The following CHSY3 variants were observed in gnomAD, a reference collection of about 807,000 sequenced individuals.
CHSY3 encodes N-acetylgalactosaminyl-proteoglycan 3-beta-glucuronosyltransferase 3.
Under a neutral mutation model 67.2 loss-of-function variants are expected in CHSY3, and 35 were observed. That is an observed-to-expected ratio of 0.52 (90% CI 0.40 to 0.69). The LOEUF is 0.69. Among genes scored for constraint, CHSY3 ranks in the 30% least tolerant of loss-of-function variants. The probability of loss-of-function intolerance (pLI) is 0.00; values close to 1 mark genes in which losing one functional copy is unlikely to be tolerated. For missense variants in CHSY3, 1,069 were observed against 1,138.5 expected (o/e 0.94, Z 0.88); for synonymous variants, 474 against 434.7 (o/e 1.09, Z -1.12).
chr5:130,099,797 A>G (rs904590730), intron 2 of CHSY3, among the ~76,000 whole-genome samples: 2 of 152,184 alleles, frequency 1.3e-5, no homozygotes, highest in African/African-American at 4.8e-5. Context: ...GAAGTAAGCT[A>G]TGGCACATAA....
At chr5:129,971,577 A>G (rs1243403627) in intron 2 of CHSY3, among the ~76,000 whole-genome samples, 3 of 151,932 alleles carry the variant, frequency 2.0e-5, no homozygotes, top group Admixed American at 6.6e-5. Context: ...CATGACCTCT[A>G]TTTTACAAAT....
intron 2 of CHSY3, among the ~76,000 whole-genome samples, chr5:129,921,009 G>T (rs139191930): frequency 6.6e-6 from 1 of 152,040 alleles, no homozygotes; most frequent in Non-Finnish European, 1.5e-5. Context: ...TTGTAGTGAC[G>T]TGGTTTTGCC....
intron 2 of CHSY3, among the ~76,000 whole-genome samples, chr5:130,011,457 A>G (rs573615838): frequency 6.6e-6 from 1 of 152,338 alleles, no homozygotes; most frequent in East Asian, 1.9e-4. Flanking sequence ...CAAACTAGTC[A>G]TCAATGGTAC....
intron 2 of CHSY3, among the ~76,000 whole-genome samples, chr5:130,088,917 G>A (rs889529630): frequency 6.6e-5 from 10 of 152,030 alleles, no homozygotes; most frequent in African/African-American, 1.4e-4. Flanking sequence ...AAAGACACAC[G>A]CACACGTATG....
intron 2 of CHSY3, among the ~76,000 whole-genome samples, chr5:129,927,121 TTAAC>T (rs1418532681): frequency 1.3e-5 from 2 of 151,952 alleles, no homozygotes; most frequent in African/African-American, 2.4e-5. Flanking sequence ...TGTTTTTTTC[TTAAC>T]TAAGTTCTAA....
chr5:129,984,400 T>G (rs1763111226), intron 2 of CHSY3, among the ~76,000 whole-genome samples: 1 of 152,162 alleles, frequency 6.6e-6, no homozygotes, highest in African/African-American at 2.4e-5. Flanking sequence ...GTGGTGTATA[T>G]GTACCATATT....
intron 2 of CHSY3, among the ~76,000 whole-genome samples, chr5:130,029,138 A>G (rs536842888): frequency 3.7e-4 from 56 of 152,180 alleles, no homozygotes; most frequent in African/African-American, 9.9e-4. Context: ...AGTTGCCCCA[A>G]TCGTCACAGA....
At chr5:130,023,771 G>A in intron 2 of CHSY3, among the ~76,000 whole-genome samples, 1 of 151,542 alleles carries the variant, frequency 6.6e-6, no homozygotes. Flanking sequence ...ACCCTTTTCT[G>A]TTTTTTTTGG....
chr5:130,036,344 T>C (rs541598434), intron 2 of CHSY3, among the ~76,000 whole-genome samples: 1 of 152,284 alleles, frequency 6.6e-6, no homozygotes, highest in African/African-American at 2.4e-5. Flanking sequence ...TTTCCTAGTA[T>C]ATCTCTTCCA....
At chr5:130,106,956 A>G (rs867235218) in intron 2 of CHSY3, among the ~76,000 whole-genome samples, 6 of 151,610 alleles carry the variant, frequency 4.0e-5, no homozygotes, top group South Asian at 4.1e-4. Flanking sequence ...ACAATTTGTT[A>G]TGCTTTGAAG....
At chr5:130,001,899 G>T in intron 2 of CHSY3, 1 of 917,836 alleles carries the variant, frequency 1.1e-6, no homozygotes, top group Non-Finnish European at 1.3e-6. Flanking sequence ...GGTGGAAGCT[G>T]AAACAGTCAC....
At chr5:130,032,545 T>C (rs1033725852) in intron 2 of CHSY3, among the ~76,000 whole-genome samples, 2 of 151,644 alleles carry the variant, frequency 1.3e-5, no homozygotes, top group Non-Finnish European at 2.9e-5. Flanking sequence ...AGTGAGAGAG[T>C]CTTCAAGGAG....
intron 2 of CHSY3, among the ~76,000 whole-genome samples, chr5:129,954,711 T>G (rs1482128712): frequency 6.6e-6 from 1 of 152,148 alleles, no homozygotes; most frequent in Non-Finnish European, 1.5e-5. Flanking sequence ...CCTTGTAAGT[T>G]GTATTCCTAG....
At chr5:129,963,542 G>A (rs1018607877) in intron 2 of CHSY3, among the ~76,000 whole-genome samples, 4 of 151,982 alleles carry the variant, frequency 2.6e-5, no homozygotes, top group Admixed American at 2.0e-4. Flanking sequence ...ACTAGCAGAT[G>A]ACACTATGGA....
rs923685966 is a variant in CHSY3, at chr5:130,121,665, G to C, written c.1087-62564G>C. The stretch of plus-strand genomic sequence containing the variant: ...TAATTTAGGGCAGCAATATTGTTTA[G>C]TATACTTGAAACCATTCATTTCAAT... On this transcript the variant is annotated intron_variant, in intron 2 of 2. Transcript: ENST00000305031. 3.9e-5 allele frequency among the ~76,000 whole-genome samples: 6 copies of C among 152,196 alleles called. No homozygotes were observed. In the East Asian group the frequency reaches 5.8e-4, roughly 15 times the overall value.
intron 2 of CHSY3, among the ~76,000 whole-genome samples, chr5:130,148,809 G>C (rs1413945836): frequency 6.6e-6 from 1 of 152,118 alleles, no homozygotes; most frequent in African/African-American, 2.4e-5. Flanking sequence ...ACCTTTGTCA[G>C]ATGCATAAAT....
At chr5:130,168,913 TTTTG>T (rs1429551784) in intron 2 of CHSY3, among the ~76,000 whole-genome samples, 1 of 152,056 alleles carries the variant, frequency 6.6e-6, no homozygotes, top group African/African-American at 2.4e-5. Context: ...CAAGGACCAT[TTTTG>T]TTGTTGTTGT....
At chr5:129,915,341 C>G (rs1161201085) in intron 2 of CHSY3, among the ~76,000 whole-genome samples, 2 of 152,076 alleles carry the variant, frequency 1.3e-5, no homozygotes, top group African/African-American at 4.8e-5. Flanking sequence ...AAATACTGTC[C>G]TAACCATTAA....
rs940322621 is a variant in CHSY3 at position 130,186,020 on chromosome 5, A to T, written c.*229A>T. ...AGATTTCTACTGAAGTCAATATGTTATTACTTTTATATAACTTTATTTGAG... is the reference window on the plus strand; with the variant it reads ...AGATTTCTACTGAAGTCAATATGTTTTTACTTTTATATAACTTTATTTGAG... On this transcript the variant is annotated 3_prime_UTR_variant, in exon 3 of 3. Coordinates refer to ENST00000305031, the MANE Select transcript of CHSY3 (RefSeq NM_175856.5). 6.4e-5 allele frequency: 17 copies of T among 265,100 alleles called. No homozygotes were observed. Among genetic ancestry groups the T allele is most frequent in the Non-Finnish European group, 7.7e-5 (11 of 143,486 alleles). The allele number at this position is 265,100 out of a possible 1,614,324, so 16.4% of individuals were successfully genotyped here. A position where few individuals can be genotyped will look rare whatever the true frequency, so the allele number is the denominator to read the frequency against.
Sources: allele counts gnomAD v4.1 joint callset (sites outside exome capture counted in the v4.1 genomes callset), GRCh38; gene constraint gnomAD v4.1.1; transcripts MANE v1.5; gene names NCBI Gene and HGNC (gene_info 2026-07-23, HGNC 2026-07-21).